The following ELMO1 variants were observed in gnomAD, a reference collection of about 807,000 sequenced individuals.
The protein encoded by ELMO1 is engulfment and cell motility protein 1.
A neutral mutation model predicts 98.9 loss-of-function variants in ELMO1; 26 were observed. That is an observed-to-expected ratio of 0.26 (90% confidence interval 0.19 to 0.36). The LOEUF is 0.36. ELMO1 is among the 10% of genes least tolerant of loss of function. The pLI, the probability that ELMO1 is intolerant of heterozygous loss-of-function variation, is 1.00. For synonymous variants in ELMO1, 346 were observed against 346.0 expected (o/e 1.00, Z 0.00); for missense variants, 627 against 935.2 (o/e 0.67, Z 4.30).
Position 36,855,599 on chromosome 7 carries a change from C to T in ELMO1, c.2136G>A (p.Pro712=), listed in dbSNP as rs892851067. The T allele has an allele frequency of 8.1e-6, 13 of 1,613,980 alleles. No homozygotes were observed. The highest frequency in any genetic ancestry group is 3.3e-5 in the Admixed American group (2 of 60,002). ...ENIQIPDAPP[P]IPKEPSNYDF... is the part of the protein sequence containing the mutation. Reference sequence around the variant, plus strand: ...CATAGTTGCTGGGCTCCTTGGGAATCGGCGGAGGTGCGTCAGGGATCTGGA... The same window carrying T: ...CATAGTTGCTGGGCTCCTTGGGAATTGGCGGAGGTGCGTCAGGGATCTGGA... The change falls in exon 22 of 22, where the codon CCG becomes CCA. Residue 712 remains proline (P), a synonymous_variant. Coordinates refer to ENST00000310758, the MANE Select transcript of ELMO1 (RefSeq NM_014800.11). This position sits in a 1 kb window ranked among gnomAD's most constrained non-coding sequence, Gnocchi z 4.2.
chr7:37,252,160 AG>A (rs1185321927), intron 6 of ELMO1, among the ~76,000 whole-genome samples: 10 of 152,206 alleles, frequency 6.6e-5, no homozygotes, highest in African/African-American at 2.4e-4. Context: ...TACTGCCCAA[AG>A]TAATTTATAG....
chr7:37,378,059 G>C (rs1802426743), intron 1 of ELMO1, among the ~76,000 whole-genome samples: 1 of 152,132 alleles, frequency 6.6e-6, no homozygotes, highest in African/African-American at 2.4e-5. Context: ...TCTTCCCAAG[G>C]CAATTCCCAA....
At chr7:37,047,649 C>A (rs947277159) in intron 15 of ELMO1, among the ~76,000 whole-genome samples, 1 of 152,188 alleles carries the variant, frequency 6.6e-6, no homozygotes, top group Non-Finnish European at 1.5e-5. Flanking sequence ...TAAAGCGTAA[C>A]CATGGCTTGT....
chr7:37,440,504 C>T (rs1011011379), intron 1 of ELMO1, among the ~76,000 whole-genome samples: 3 of 150,770 alleles, frequency 2.0e-5, no homozygotes, highest in African/African-American at 7.3e-5. Context: ...GGTGTGGTGG[C>T]TCACACCTGT....
At chr7:37,356,617 G>A (rs1188722766) in intron 1 of ELMO1, among the ~76,000 whole-genome samples, 4 of 152,060 alleles carry the variant, frequency 2.6e-5, no homozygotes, top group Non-Finnish European at 4.4e-5. Flanking sequence ...ACCGGGGCCC[G>A]TGTGATAGGG....
intron 21 of ELMO1, among the ~76,000 whole-genome samples, chr7:36,857,064 C>T (rs182164931): frequency 1.9e-4 from 29 of 152,284 alleles, no homozygotes; most frequent in African/African-American, 6.3e-4. Flanking sequence ...TGCACATCAG[C>T]GGTCCTCCTT....
chr7:37,331,884 G>A (rs916320874), intron 2 of ELMO1, among the ~76,000 whole-genome samples: 1 of 142,742 alleles, frequency 7.0e-6, no homozygotes, highest in African/African-American at 2.6e-5. Flanking sequence ...AAGCAAAACT[G>A]TATGGGTTTG....
chr7:37,171,393 C>T (rs186903549), intron 13 of ELMO1, among the ~76,000 whole-genome samples: 1 of 150,156 alleles, frequency 6.7e-6, no homozygotes, highest in African/African-American at 2.5e-5. Context: ...AATATAGATA[C>T]AGCAGCAGTA....
In ELMO1 at chr7:37,433,246, G is replaced by C. The variant is rs139027420; in HGVS notation, c.-74+15429C>G. Among the ~76,000 whole-genome samples, 12 of 152,348 alleles carry C rather than the reference G, an allele frequency of 7.9e-5. No homozygotes were observed. In the East Asian group the frequency reaches 2.3e-3, roughly 29 times the overall value. The stretch of plus-strand genomic sequence containing the variant: ...ACAGTGCTCACATACATGGAAAATA[G>C]TGCTTCTGTCTGCAGACATACACTG... On this transcript the variant is annotated intron_variant, in intron 1 of 21. Transcript: ENST00000310758.
intron 16 of ELMO1, among the ~76,000 whole-genome samples, chr7:36,919,752 G>GGGGAA (rs1373280321): frequency 1.3e-5 from 2 of 152,060 alleles, no homozygotes; most frequent in Non-Finnish European, 2.9e-5. Flanking sequence ...CTGGGCTCAC[G>GGGGAA]GGGAAGAGTT....
intron 5 of ELMO1, among the ~76,000 whole-genome samples, chr7:37,261,137 T>C (rs1795957693): frequency 6.7e-6 from 1 of 149,802 alleles, no homozygotes; most frequent in Non-Finnish European, 1.5e-5. Context: ...ATAGCCAAGT[T>C]TCCTAGCACT....
chr7:37,399,459 G>C (rs564038887), intron 1 of ELMO1, among the ~76,000 whole-genome samples: 1 of 152,270 alleles, frequency 6.6e-6, no homozygotes, highest in South Asian at 2.1e-4. Context: ...CTTGCACCAG[G>C]CACATGTTAT....
intron 16 of ELMO1, among the ~76,000 whole-genome samples, chr7:36,920,323 A>G (rs958995600): frequency 2.0e-5 from 3 of 152,224 alleles, no homozygotes; most frequent in African/African-American, 7.2e-5. Context: ...CATGCAAGCA[A>G]CTATCATCTG....
intron 16 of ELMO1, among the ~76,000 whole-genome samples, chr7:36,933,992 C>G (rs950905552): frequency 3.3e-5 from 5 of 152,152 alleles, no homozygotes; most frequent in African/African-American, 9.7e-5. Context: ...ATGGAAAGGT[C>G]TGAAATGTGC....
chr7:37,407,235 C>T (rs951413809), intron 1 of ELMO1, among the ~76,000 whole-genome samples: 7 of 152,016 alleles, frequency 4.6e-5, no homozygotes, highest in Admixed American at 3.9e-4. Flanking sequence ...GAGGGTCTGG[C>T]GCGGTGGCTC....
At chr7:36,999,421 G>A (rs1350828863) in intron 16 of ELMO1, among the ~76,000 whole-genome samples, 2 of 152,084 alleles carry the variant, frequency 1.3e-5, no homozygotes, top group Admixed American at 1.3e-4. Context: ...GTCTCTAGAC[G>A]AAGAGACCGG....
chr7:37,279,569 T>C (rs1716441980), intron 4 of ELMO1, among the ~76,000 whole-genome samples: 1 of 152,148 alleles, frequency 6.6e-6, no homozygotes, highest in Admixed American at 6.5e-5. Context: ...ACACCCCCAC[T>C]AAAGAAGCTG....
chr7:37,199,095 C>T (rs4338002), intron 13 of ELMO1, among the ~76,000 whole-genome samples: 1 of 152,210 alleles, frequency 6.6e-6, no homozygotes, highest in Non-Finnish European at 1.5e-5. Flanking sequence ...AATGTCCCTC[C>T]TAAGGCACCA....
At chr7:37,067,019 T>A (rs916124619) in intron 15 of ELMO1, among the ~76,000 whole-genome samples, 1 of 152,194 alleles carries the variant, frequency 6.6e-6, no homozygotes, top group African/African-American at 2.4e-5. Context: ...AAATTCTCTA[T>A]CTGGGAAACT....
Sources: allele counts gnomAD v4.1 joint callset (sites outside exome capture counted in the v4.1 genomes callset), GRCh38; gene constraint gnomAD v4.1.1; non-coding constraint Gnocchi (gnomAD v3.1); transcripts MANE v1.5; gene names NCBI Gene and HGNC (gene_info 2026-07-23, HGNC 2026-07-21).